ANXA8: variants seen among roughly 807,000 people sequenced by gnomAD.
ANXA8 encodes the protein VAC-beta.
A neutral mutation model predicts 26.8 loss-of-function variants in ANXA8; 9 were observed. The observed-to-expected ratio is 0.34, with a 90% CI of 0.20 to 0.59. The LOEUF (loss-of-function observed/expected upper bound fraction) is 0.59. Ranked by LOEUF, ANXA8 falls within the 20% of genes least tolerant of loss-of-function variation. The pLI is 0.84. For synonymous variants in ANXA8, 39 were observed against 94.8 expected, an observed-to-expected ratio of 0.41 and a Z score of 3.42; for missense variants, 83 against 238.5, an observed-to-expected ratio of 0.35 and a Z score of 4.29.
chr10:47,474,997 C>T lies in ANXA8; in HGVS notation c.500G>A (p.Arg167Lys). 2.0e-6 allele frequency: 3 copies of T among 1,532,102 alleles called. 1 individual carries two copies. Among genetic ancestry groups the T allele is most frequent in the Admixed American group, 1.8e-5 (1 of 55,774 alleles). The allele number at this position is 1,532,102 out of a possible 1,614,324, so 94.9% of individuals were successfully genotyped here. ...RILVCLLQGSRDDVSSFVDPG... is the reference protein window; with the variant it reads ...RILVCLLQGSKDDVSSFVDPG... ...GTCCACAAAGCTGCTCACATCATCC[C>T]TGCTGCCCTAGGAACAGAGGAGGTG... Residue 167 changes from arginine (R) to lysine (K), a missense_variant, in exon 7 of 12, where the codon AGG becomes AAG. Transcript: ENST00000585281.
the ANXA8 span, among the ~76,000 whole-genome samples, chr10:47,591,092 A>C: frequency 6.9e-6 from 1 of 144,574 alleles, no homozygotes; most frequent in South Asian, 2.1e-4. Context: ...ACCTTGATTA[A>C]CAGTAACTCT....
the ANXA8 span, among the ~76,000 whole-genome samples, chr10:47,739,077 TG>T: frequency 7.0e-6 from 1 of 143,290 alleles, no homozygotes; most frequent in South Asian, 2.3e-4. Flanking sequence ...AGGAGATAGG[TG>T]CACCCTTCCT....
At chr10:47,704,800 T>C in the ANXA8 span, among the ~76,000 whole-genome samples, 1 of 152,008 alleles carries the variant, frequency 6.6e-6, no homozygotes, top group Non-Finnish European at 1.5e-5. Context: ...CTAATAGTAA[T>C]AAATGTAACA....
chr10:47,947,632 C>T, the ANXA8 span, among the ~76,000 whole-genome samples: 1 of 150,822 alleles, frequency 6.6e-6, no homozygotes, highest in African/African-American at 2.5e-5. Context: ...ACCACTTCCC[C>T]TCCTGCTCCG....
the ANXA8 span, among the ~76,000 whole-genome samples, chr10:47,697,111 A>T: frequency 6.6e-6 from 1 of 152,174 alleles, no homozygotes; most frequent in East Asian, 1.9e-4. Context: ...TGACATAAAA[A>T]AAAGAAAGAA....
At chr10:47,670,607 T>C in the ANXA8 span, among the ~76,000 whole-genome samples, 2 of 152,020 alleles carry the variant, frequency 1.3e-5, no homozygotes, top group African/African-American at 4.8e-5. Flanking sequence ...ATTTCCCCAG[T>C]AACTAATGAC....
chr10:47,733,215 TTCTTTCTCTTTCTTTCTCTCTTTCTTTC>T, the ANXA8 span, among the ~76,000 whole-genome samples: 1 of 94,964 alleles, frequency 1.1e-5, no homozygotes, highest in African/African-American at 3.6e-5. Flanking sequence ...CTTTCTTTCT[TTCTTTCTCTTTCTTTCTCTCTTTCTTTC>T]TTTCTTTCTT....
At chr10:47,582,683 T>C in the ANXA8 span, among the ~76,000 whole-genome samples, 1 of 131,978 alleles carries the variant, frequency 7.6e-6, no homozygotes, top group African/African-American at 3.5e-5. Flanking sequence ...CCAGGTTTTG[T>C]ACCAATTGTG....
the ANXA8 span, among the ~76,000 whole-genome samples, chr10:47,939,014 G>A: frequency 2.8e-5 from 4 of 144,208 alleles, no homozygotes; most frequent in Admixed American, 6.9e-5. Flanking sequence ...TCCCCTCAGA[G>A]CCAAGCCCCA....
chr10:47,483,134 C>T (rs1300823054), intron 1 of ANXA8, among the ~76,000 whole-genome samples: 4,105 of 151,694 alleles, frequency 0.027, 272 homozygotes, highest in African/African-American at 0.094. Context: ...GGAAAGCTCC[C>T]GAGAACCCAT....
chr10:47,735,105 T>C, the ANXA8 span, among the ~76,000 whole-genome samples: 1 of 150,972 alleles, frequency 6.6e-6, no homozygotes, highest in Non-Finnish European at 1.5e-5. Flanking sequence ...TTTTGTTTTG[T>C]TTTGCCTTTT....
chr10:47,581,385 A>G, the ANXA8 span: 3 of 418,382 alleles, frequency 7.2e-6, no homozygotes, highest in East Asian at 1.8e-4. Context: ...ATAAAATGTT[A>G]AGAAGCAAGA....
the ANXA8 span, among the ~76,000 whole-genome samples, chr10:47,947,985 C>T: frequency 4.6e-5 from 7 of 150,900 alleles, 1 homozygote; most frequent in Non-Finnish European, 7.4e-5. Flanking sequence ...CAGAGTGGAG[C>T]GTCCTTGTAG....
the ANXA8 span, among the ~76,000 whole-genome samples, chr10:47,576,494 G>A: frequency 2.6e-4 from 32 of 121,142 alleles, no homozygotes; most frequent in Admixed American, 5.2e-4. Context: ...TCGCTCTGTC[G>A]TCCAGATTGG....
chr10:47,703,722 T>G, the ANXA8 span, among the ~76,000 whole-genome samples: 1 of 150,764 alleles, frequency 6.6e-6, no homozygotes, highest in Non-Finnish European at 1.5e-5. Flanking sequence ...TCTCAAAGTA[T>G]CTCCCCAGGA....
chr10:47,500,438 G>A, the ANXA8 span, among the ~76,000 whole-genome samples: 422 of 150,168 alleles, frequency 2.8e-3, 2 homozygotes, highest in African/African-American at 0.01. Context: ...TGGAACCATC[G>A]GCAGCTGCCT....
upstream of ANXA8, among the ~76,000 whole-genome samples, chr10:47,488,700 T>C (rs1840088459): frequency 7.1e-6 from 1 of 140,922 alleles, no homozygotes; most frequent in Non-Finnish European, 1.5e-5. Context: ...TAACATAGAA[T>C]TTTACATGTT....
At chr10:47,982,497 T>C in the ANXA8 span, among the ~76,000 whole-genome samples, 1 of 144,584 alleles carries the variant, frequency 6.9e-6, no homozygotes, top group Non-Finnish European at 1.5e-5. Context: ...CAAATGATGC[T>C]GGGACAACCG....
the ANXA8 span, among the ~76,000 whole-genome samples, chr10:47,768,615 G>T: frequency 6.6e-6 from 1 of 151,118 alleles, no homozygotes; most frequent in South Asian, 2.1e-4. Flanking sequence ...GGGGAGGGGG[G>T]TGTGCTCGGG....
Sources: allele counts gnomAD v4.1 joint callset (sites outside exome capture counted in the v4.1 genomes callset), GRCh38; gene constraint gnomAD v4.1.1; transcripts MANE v1.5; gene names NCBI Gene and HGNC (gene_info 2026-07-23, HGNC 2026-07-21).